CHPF: variants seen among roughly 807,000 people sequenced by gnomAD.
The protein encoded by CHPF is chondroitin polymerizing factor, also known as chondroitin polymerizing factor, non-catalytic subunit.
In CHPF, 34 loss-of-function variants were observed where a neutral mutation model predicts 55.1. The observed-to-expected ratio is 0.62, with a 90% confidence interval of 0.47 to 0.82. The LOEUF is 0.82. CHPF is among the 40% of genes least tolerant of loss of function. The probability of loss-of-function intolerance (pLI) is 0.00; values close to 1 mark genes in which losing one functional copy is unlikely to be tolerated. For missense variants in CHPF, 961 were observed against 1,106.1 expected (o/e 0.87, Z 1.86); for synonymous variants, 489 against 496.6 (o/e 0.98, Z 0.20).
Position 219,539,586 on chromosome 2 carries a change from C to G in CHPF, c.2125G>C (p.Glu709Gln). The G allele has an allele frequency of 6.2e-7, 1 of 1,613,922 alleles. No individual in the cohort carries two copies. The highest frequency in any genetic ancestry group is 8.5e-7 in the Non-Finnish European group (1 of 1,179,972). The change falls in exon 4 of 4, where the codon GAG (glutamate) becomes CAG (glutamine). Residue 709 changes from glutamate to glutamine, a missense_variant. Glu to Gln is a conservative substitution (Grantham distance 29). Around this residue, in one of 3 missense-constraint regions of CHPF, gnomAD observed 936 missense variants for 1,058.4 expected, o/e 0.88. Coordinates refer to ENST00000243776, the MANE Select transcript of CHPF (RefSeq NM_024536.6). ...EELLESLDVY[E>Q]LFLHFSSLHV... ...AGACTGGAGAAGTGGAGGAACAGCT[C>G]GTACACATCCAGGCTCTCCAGCAGC... is the stretch of plus-strand genomic sequence containing the variant.
Position 219,541,173 on chromosome 2 carries a change from C to T in CHPF, c.889-48G>A, listed in dbSNP as rs778717841. ...TCTGTGATGAGCTGGCATTGTCTTC[C>T]GTTGTCTCATAGTAAGTGTCTCATC... On this transcript the variant is annotated intron_variant, in intron 2 of 3. Coordinates refer to ENST00000243776, the MANE Select transcript of CHPF (RefSeq NM_024536.6). The T allele has an allele frequency of 1.4e-5, 21 of 1,505,060 alleles. No homozygotes were observed. The African/African-American group carries it at 1.5e-4, about 11-fold the overall frequency. The allele number at this position is 1,505,060 out of a possible 1,614,324, so 93.2% of individuals were successfully genotyped here. A position where few individuals can be genotyped will look rare whatever the true frequency, so the allele number is the denominator to read the frequency against.
rs771103804 is a variant in CHPF at position 219,540,970 on chromosome 2, C to T, written c.1044G>A (p.Thr348=). The part of the protein sequence containing the change: ...KAFARAELER[T]YQEIQELQWE... ...CCTGTAACTCCTGGATCTCCTGGTA[C>T]GTGCGTTCCAGTTCAGCTCGGGCGA... The change falls in exon 3 of 4, where the codon ACG becomes ACA. Residue 348 remains threonine (T), a synonymous_variant. Transcript: ENST00000243776. 11 of 1,613,998 alleles carry T rather than the reference C, an allele frequency of 6.8e-6. No individual in the cohort carries two copies. The highest frequency in any genetic ancestry group is 2.2e-5 in the South Asian group (2 of 91,058).
chr2:219,539,938 T>G lies in CHPF; in HGVS notation c.1773A>C (p.Ala591=), dbSNP rs754081955. ...GATCCATGAGGCGCAGTGGTGAGGG[T>G]GCGGCTGTCTGCACACTGAGCCATG... is the stretch of plus-strand genomic sequence containing the variant. ...RVPWLSVQTA[A]PSPLRLMDLL... The change falls in exon 4 of 4, where the codon GCA becomes GCC. Residue 591 remains alanine, a synonymous_variant. Transcript: ENST00000243776. The G allele has an allele frequency of 5.7e-5, 92 of 1,613,536 alleles. No individual in the cohort carries two copies. Among genetic ancestry groups the G allele is most frequent in the Non-Finnish European group, 7.5e-5 (89 of 1,179,938 alleles).
In CHPF at chr2:219,539,549, C is replaced by G; in HGVS notation, c.2162G>C (p.Arg721Pro). ...CTGCAGCAGCGCCGGCTCCACCGCC[C>G]GCAGCACATGCAGACTGGAGAAGTG... ...FLHFSSLHVL[R>P]AVEPALLQRY... The change falls in exon 4 of 4, where the codon CGG becomes CCG. Residue 721 changes from arginine to proline, a missense_variant. Arg to Pro is a moderately radical substitution (Grantham distance 103). Around this residue, in one of 3 missense-constraint regions of CHPF, gnomAD observed 936 missense variants for 1,058.4 expected, o/e 0.88. Transcript: ENST00000243776. 1 of 1,613,900 alleles carries G rather than the reference C, an allele frequency of 6.2e-7. No homozygotes were observed. The highest frequency in any genetic ancestry group is 8.5e-7 in the Non-Finnish European group (1 of 1,179,928).
Position 219,540,491 on chromosome 2 carries a change from T to C in CHPF, c.1220A>G (p.Asp407Gly), listed in dbSNP as rs1695246757. Residue 407 changes from aspartate (D) to glycine (G), a missense_variant, in exon 4 of 4, where the codon GAT (aspartate) becomes GGT (glycine). Physicochemically the swap from Asp to Gly is moderately conservative, Grantham distance 94. Around this residue, in one of 3 missense-constraint regions of CHPF, gnomAD observed 936 missense variants for 1,058.4 expected, o/e 0.88. Coordinates refer to ENST00000243776, the MANE Select transcript of CHPF (RefSeq NM_024536.6). ...FTEQHAFSCA[D>G]GSPRCPLRGA... ...ACGCAGTGGGCAGCGGGGTGAGCCA[T>C]CGGCGCAGGAGAAAGCGTGCTGCTC... 1.2e-6 allele frequency: 2 copies of C among 1,613,862 alleles called. No homozygotes were observed. The highest frequency in any genetic ancestry group is 1.3e-5 in the African/African-American group (1 of 74,990).
At position 219,543,357 on chromosome 2, in the gene CHPF, C is replaced by A; in HGVS notation, c.182G>T (p.Arg61Leu). Residue 61 changes from arginine (R) to leucine (L), a missense_variant, in exon 1 of 4, where the codon CGG (arginine) becomes CTG (leucine). Arg to Leu is a moderately radical substitution (Grantham distance 102). This residue lies in a region of CHPF where 936 missense variants were observed against 1,058.4 expected (regional missense o/e 0.88). Coordinates refer to ENST00000243776, the MANE Select transcript of CHPF (RefSeq NM_024536.6). ...CGCTCCGGGCTGCACCGAGTTGGGC[C>A]GGCGCGCCGCGTTGGTGTTGCCGCG... ...PPRGNTNAARRPNSVQPGAER... is the reference protein window; with the variant it reads ...PPRGNTNAARLPNSVQPGAER... 6.4e-7 allele frequency: 1 copy of A among 1,562,750 alleles called. No homozygotes were observed. The highest frequency in any genetic ancestry group is 8.6e-7 in the Non-Finnish European group (1 of 1,164,246).
In CHPF at chr2:219,539,708, C is replaced by T. The variant is rs771645516; in HGVS notation, c.2003G>A (p.Arg668His). 24 of 1,613,270 alleles carry T rather than the reference C, an allele frequency of 1.5e-5. No individual in the cohort carries two copies. The highest frequency in any genetic ancestry group is 2.7e-5 in the African/African-American group (2 of 74,944). ...CTCGCTGGCTGCCTGGCGATCAAAG[C>T]GGCCAGTGTCACGGCCCAGCTCTGG... is the stretch of plus-strand genomic sequence containing the variant. ...GPPELGRDTGRFDRQAASEAC... is the reference protein window; with the variant it reads ...GPPELGRDTGHFDRQAASEAC... The change falls in exon 4 of 4, where the codon CGC (arginine) becomes CAC (histidine). Residue 668 changes from arginine to histidine, a missense_variant. This residue lies in a region of CHPF where 936 missense variants were observed against 1,058.4 expected (regional missense o/e 0.88). Transcript: ENST00000243776.
chr2:219,541,183 TAGTA>T (rs1695262833), intron 2 of CHPF, 58 bp from the exon 3 acceptor site: 1 of 1,467,226 alleles, frequency 6.8e-7, no homozygotes, highest in Non-Finnish European at 9.1e-7. Flanking sequence ...CGTTGTCTCA[TAGTA>T]AGTGTCTCAT....
intron 3 of CHPF, 52 bp from the exon 4 acceptor site, chr2:219,540,694 C>A: frequency 6.6e-7 from 1 of 1,507,822 alleles, no homozygotes. Flanking sequence ...GGGAGCAGCA[C>A]ACAGCTGGGG....
rs773516277 is a variant in CHPF at position 219,543,261 on chromosome 2, G to A, written c.278C>T (p.Pro93Leu). 5.1e-6 allele frequency: 8 copies of A among 1,573,614 alleles called. No individual in the cohort carries two copies. Among genetic ancestry groups the A allele is most frequent in the Non-Finnish European group, 6.8e-6 (8 of 1,169,102 alleles). Residue 93 changes from proline (P) to leucine (L), a missense_variant, in exon 1 of 4, where the codon CCT becomes CTT. Transcript: ENST00000243776. The part of the protein sequence containing the change: ...NWEPRVLPYH[P>L]AQPGQAAKKA... Reference sequence around the variant, plus strand: ...TTTGGCGGCCTGGCCGGGCTGTGCAGGGTGGTAGGGCAAGACGCGCGGCTC... The same window carrying A: ...TTTGGCGGCCTGGCCGGGCTGTGCAAGGTGGTAGGGCAAGACGCGCGGCTC...
At position 219,540,242 on chromosome 2, in the gene CHPF, G is replaced by A. The variant is rs866240988; in HGVS notation, c.1469C>T (p.Pro490Leu). 18 of 1,613,558 alleles carry A rather than the reference G, an allele frequency of 1.1e-5. No individual in the cohort carries two copies. Among genetic ancestry groups the A allele is most frequent in the Admixed American group, 6.7e-5 (4 of 59,972 alleles). ...PLTRRVQLLR[P>L]LSRVEILPVP... The stretch of plus-strand genomic sequence containing the variant: ...AGGCAAGATCTCCACGCGGCTCAGC[G>A]GCCGGAGCAGCTGCACTCGGCGAGT... Residue 490 changes from proline (P) to leucine (L), a missense_variant, in exon 4 of 4, where the codon CCG becomes CTG. Physicochemically the swap from Pro to Leu is moderately conservative, Grantham distance 98. Coordinates refer to ENST00000243776, the MANE Select transcript of CHPF (RefSeq NM_024536.6).
rs1695220441 is a variant in CHPF at position 219,539,668 on chromosome 2, G to A, written c.2043C>T (p.Asn681=). 1 of 1,613,582 alleles carries A rather than the reference G, an allele frequency of 6.2e-7. No homozygotes were observed. The highest frequency in any genetic ancestry group is 1.3e-5 in the African/African-American group (1 of 75,070). ...GCCCACGGGCTGCCACATAGTCGGA[G>A]TTGTAGAAGCAGGCCTCGCTGGCTG... ...RQAASEACFY[N]SDYVAARGRL... Residue 681 remains asparagine, a synonymous_variant, in exon 4 of 4, where the codon AAC becomes AAT. Transcript: ENST00000243776.
chr2:219,541,990 G>T lies in CHPF; in HGVS notation c.514C>A (p.Arg172=). Residue 172 remains arginine, a synonymous_variant, in exon 2 of 4, where the codon CGA becomes AGA. Coordinates refer to ENST00000243776, the MANE Select transcript of CHPF (RefSeq NM_024536.6). ...GMAVVTLGEE[R]PIGHLHLALR... ...GCCAGGTGCAGGTGTCCAATGGGTC[G>T]CTCCTCGCCTAGCGTCACCACTGCC... 1 of 1,607,854 alleles carries T rather than the reference G, an allele frequency of 6.2e-7. No individual in the cohort carries two copies.
chr2:219,542,895 CT>C, intron 1 of CHPF: 6 of 1,125,442 alleles, frequency 5.3e-6, no homozygotes, highest in Non-Finnish European at 6.5e-6. Context: ...TTCTCTTCCC[CT>C]GTCTCTATAC....
In CHPF at chr2:219,541,011, G is replaced by C. The variant is rs767184201; in HGVS notation, c.1003C>G (p.Gln335Glu). Residue 335 changes from glutamine (Q) to glutamate (E), a missense_variant, in exon 3 of 4, where the codon CAG becomes GAG. Transcript: ENST00000243776. Reference protein sequence around the residue: ...HPVRDPVHMYQLHKAFARAEL... With the variant: ...HPVRDPVHMYELHKAFARAEL... ...GCTCGGGCGAAAGCTTTGTGCAGCTGGTACATGTGCACAGGGTCACGCACA... is the reference window on the plus strand; with the variant it reads ...GCTCGGGCGAAAGCTTTGTGCAGCTCGTACATGTGCACAGGGTCACGCACA... 1.9e-6 allele frequency: 3 copies of C among 1,614,008 alleles called. No individual in the cohort carries two copies. Among genetic ancestry groups the C allele is most frequent in the African/African-American group, 1.3e-5 (1 of 75,048 alleles).
intron 3 of CHPF, 62 bp downstream of exon 3, chr2:219,540,884 G>A (rs1695255941): frequency 1.3e-6 from 2 of 1,576,154 alleles, no homozygotes; most frequent in Non-Finnish European, 1.7e-6. Context: ...ATTTCTCTGG[G>A]CTCTCTGTGA....
In CHPF at chr2:219,541,785, C is replaced by T; in HGVS notation, c.719G>A (p.Gly240Asp). The T allele has an allele frequency of 1.9e-6, 3 of 1,607,724 alleles. No homozygotes were observed. The highest frequency in any genetic ancestry group is 2.5e-6 in the Non-Finnish European group (3 of 1,176,882). Residue 240 changes from glycine to aspartate, a missense_variant, in exon 2 of 4, where the codon GGC becomes GAC. By Grantham distance (94) the Gly-to-Asp change is moderately conservative. Around this residue, in one of 3 missense-constraint regions of CHPF, gnomAD observed 936 missense variants for 1,058.4 expected, o/e 0.88. Transcript: ENST00000243776. ...QDFIGGEPTP[G>D]RYCHGGFGVL... ...CCCAAAGCCTCCGTGGCAGTAGCGGCCGGGGGTGGGCTCTCCGCCGATGAA... is the reference window on the plus strand; with the variant it reads ...CCCAAAGCCTCCGTGGCAGTAGCGGTCGGGGGTGGGCTCTCCGCCGATGAA...
At position 219,540,379 on chromosome 2, in the gene CHPF, C is replaced by T. The variant is rs1695243342; in HGVS notation, c.1332G>A (p.Gln444=). 1.9e-6 allele frequency: 3 copies of T among 1,614,072 alleles called. No homozygotes were observed. The highest frequency in any genetic ancestry group is 2.5e-6 in the Non-Finnish European group (3 of 1,180,000). The part of the protein sequence containing the change: ...NRRYHPALRL[Q]KQQLVNGYRR... ...GGTAGCCATTCACCAGCTGCTGCTT[C>T]TGGAGCCGCAAGGCCGGGTGGTAGC... Residue 444 remains glutamine (Q), a synonymous_variant, in exon 4 of 4, where the codon CAG becomes CAA. Transcript: ENST00000243776.
At chr2:219,542,973 G>A (rs1695309607) in intron 1 of CHPF, 1 of 1,287,654 alleles carries the variant, frequency 7.8e-7, no homozygotes, top group Non-Finnish European at 9.8e-7. Context: ...TAGGATCTCT[G>A]GGGCGCCATC....
Sources: gnomAD v4.1 joint callset for allele counts on GRCh38, gnomAD v4.1.1 for gene constraint, gnomAD v4.1.1 regional missense constraint, MANE v1.5 for transcripts, NCBI Gene and HGNC (gene_info 2026-07-23, HGNC 2026-07-21) for gene names.